WDFY2: variants seen among roughly 807,000 people sequenced by gnomAD.
The protein encoded by WDFY2 is WD repeat and FYVE domain containing 2, also known as WD repeat and FYVE domain-containing protein 2.
Under a neutral mutation model 56.4 loss-of-function variants are expected in WDFY2, and 36 were observed. That is an observed-to-expected ratio of 0.64 (90% CI 0.49 to 0.84). The LOEUF (loss-of-function observed/expected upper bound fraction) is 0.84, where lower values mean the gene tolerates loss of function less well. Among genes scored for constraint, WDFY2 ranks in the 40% least tolerant of loss-of-function variants. WDFY2 has a pLI of 0.00. For missense variants in WDFY2, 444 were observed against 512.2 expected (o/e 0.87, Z 1.29); for synonymous variants, 176 against 183.7 (o/e 0.96, Z 0.34).
At chr13:51,627,308 A>G (rs1954853800) in intron 1 of WDFY2, among the ~76,000 whole-genome samples, 2 of 152,070 alleles carry the variant, frequency 1.3e-5, no homozygotes, top group South Asian at 2.1e-4. Context: ...GGAGGGGGAC[A>G]TGTTTCAGCC....
intron 6 of WDFY2, among the ~76,000 whole-genome samples, chr13:51,728,712 A>G (rs1952657176): frequency 6.6e-6 from 1 of 152,224 alleles, no homozygotes; most frequent in South Asian, 2.1e-4. Context: ...TCCAAGGAAG[A>G]AGATTCATAA....
chr13:51,587,862 C>T (rs2138279169), intron 1 of WDFY2: 1 of 152,282 alleles, frequency 6.6e-6, no homozygotes, highest in South Asian at 2.1e-4. Context: ...TCAAACTGCC[C>T]TCAATAATGG....
At chr13:51,726,005 A>AT (rs1403797093) in intron 5 of WDFY2, among the ~76,000 whole-genome samples, 16 of 152,196 alleles carry the variant, frequency 1.1e-4, no homozygotes, top group Admixed American at 9.2e-4. Context: ...ATATGTAAAG[A>AT]TTTTACAAAA....
At chr13:51,687,884 G>A (rs1158362319) in intron 3 of WDFY2, among the ~76,000 whole-genome samples, 1 of 152,120 alleles carries the variant, frequency 6.6e-6, no homozygotes, top group Non-Finnish European at 1.5e-5. Context: ...TTATATGAAA[G>A]GAGACCATTC....
chr13:51,688,088 G>A (rs1047238511), intron 3 of WDFY2, among the ~76,000 whole-genome samples: 5 of 152,128 alleles, frequency 3.3e-5, no homozygotes, highest in Non-Finnish European at 7.4e-5. Context: ...TGGGGAGAAG[G>A]GGTAGTTGGC....
rs189000525 is a variant in WDFY2 at position 51,750,372 on chromosome 13, C to T, written c.726-938C>T. Among the ~76,000 whole-genome samples, 191 of 152,188 alleles carry T rather than the reference C, an allele frequency of 1.3e-3. 1 individual carries two copies. Among genetic ancestry groups the T allele is most frequent in the African/African-American group, 4.2e-3 (176 of 41,530 alleles). On this transcript the variant is annotated intron_variant, in intron 7 of 11. Transcript: ENST00000298125. Reference sequence around the variant, plus strand: ...GGTGAAGGCTTTTCTGGATTATAAACACATAGACACACACAGCTTAATAGC... The same window carrying T: ...GGTGAAGGCTTTTCTGGATTATAAATACATAGACACACACAGCTTAATAGC...
At chr13:51,589,707 T>TGA (rs1288473526) in intron 1 of WDFY2, 3 of 151,964 alleles carry the variant, frequency 2.0e-5, no homozygotes, top group African/African-American at 7.3e-5. Context: ...AGTGAGGGAG[T>TGA]GAGCGCTCTG....
intron 2 of WDFY2, among the ~76,000 whole-genome samples, chr13:51,667,915 G>A (rs1202129941): frequency 2.3e-5 from 2 of 88,498 alleles, no homozygotes; most frequent in Non-Finnish European, 3.9e-5. Flanking sequence ...TTTTTGGTAT[G>A]GAGTCTTGCT....
intron 7 of WDFY2, among the ~76,000 whole-genome samples, chr13:51,747,454 G>T (rs772953030): frequency 6.6e-6 from 1 of 152,184 alleles, no homozygotes; most frequent in African/African-American, 2.4e-5. Context: ...GATCTCTTCC[G>T]ATCTGACAGT....
intron 1 of WDFY2, among the ~76,000 whole-genome samples, chr13:51,601,766 C>T (rs1474490286): frequency 2.6e-5 from 4 of 152,166 alleles, no homozygotes; most frequent in African/African-American, 9.7e-5. Flanking sequence ...TCGGACTCCA[C>T]GCCCCTTCTA....
chr13:51,593,142 C>A (rs1286813615), intron 1 of WDFY2, among the ~76,000 whole-genome samples: 1 of 152,170 alleles, frequency 6.6e-6, no homozygotes, highest in African/African-American at 2.4e-5. Context: ...TTGCCAGCAC[C>A]TACCTAGATT....
At chr13:51,747,267 T>C (rs758884692) in intron 7 of WDFY2, among the ~76,000 whole-genome samples, 2 of 152,246 alleles carry the variant, frequency 1.3e-5, no homozygotes, top group Non-Finnish European at 2.9e-5. Context: ...AAATTCCCCA[T>C]TGGGATATGC....
intron 1 of WDFY2, among the ~76,000 whole-genome samples, chr13:51,657,246 G>T (rs1955526272): frequency 6.6e-6 from 1 of 151,908 alleles, no homozygotes; most frequent in Admixed American, 6.6e-5. Context: ...CATTTACATA[G>T]ACTTAAAATT....
At chr13:51,706,839 A>T (rs781700041) in intron 4 of WDFY2, among the ~76,000 whole-genome samples, 1 of 152,220 alleles carries the variant, frequency 6.6e-6, no homozygotes, top group Non-Finnish European at 1.5e-5. Flanking sequence ...CTAACAAGCA[A>T]TCAATCCACC....
rs572547023 is a variant in WDFY2, at chr13:51,620,160, A to C, written c.137+35336A>C. Among the ~76,000 whole-genome samples, 13 of 151,886 alleles carry C rather than the reference A, an allele frequency of 8.6e-5. No individual in the cohort carries two copies. The East Asian group carries it at 2.5e-3, about 29-fold the overall frequency. On this transcript the variant is annotated intron_variant, in intron 1 of 11. Coordinates refer to ENST00000298125, the MANE Select transcript of WDFY2 (RefSeq NM_052950.4). The stretch of plus-strand genomic sequence containing the variant: ...AACTTTTAGATAAATGTTCCTTTTA[A>C]AAAACGTAAAATGCTATGCTTCTCA...
intron 2 of WDFY2, among the ~76,000 whole-genome samples, chr13:51,674,461 G>A (rs150787078): frequency 7.2e-5 from 11 of 152,228 alleles, no homozygotes; most frequent in Non-Finnish European, 1.6e-4. Flanking sequence ...GCTTAGGCTC[G>A]GGTGTACTCA....
At chr13:51,676,923 T>C (rs1354341054) in intron 3 of WDFY2, among the ~76,000 whole-genome samples, 2 of 152,224 alleles carry the variant, frequency 1.3e-5, no homozygotes, top group African/African-American at 2.4e-5. Flanking sequence ...CCAACAGTTA[T>C]AGGATAGTTT....
intron 1 of WDFY2, among the ~76,000 whole-genome samples, chr13:51,633,142 C>A (rs1954985524): frequency 6.6e-6 from 1 of 152,164 alleles, no homozygotes; most frequent in African/African-American, 2.4e-5. Flanking sequence ...AGTTTCCCTT[C>A]CCCCTGAATA....
At chr13:51,719,996 G>A (rs1952451457) in intron 5 of WDFY2, among the ~76,000 whole-genome samples, 1 of 152,214 alleles carries the variant, frequency 6.6e-6, no homozygotes, top group Non-Finnish European at 1.5e-5. Flanking sequence ...GCTCCGGCAA[G>A]CACAGTATTG....
Sources: allele counts gnomAD v4.1 joint callset (sites outside exome capture counted in the v4.1 genomes callset), GRCh38; gene constraint gnomAD v4.1.1; transcripts MANE v1.5; gene names NCBI Gene and HGNC (gene_info 2026-07-23, HGNC 2026-07-21).